The following FHIT variants were observed in gnomAD, a reference collection of about 807,000 sequenced individuals.
FHIT encodes bis(5'-adenosyl)-triphosphatase.
In FHIT, 19 loss-of-function variants were observed where a neutral mutation model predicts 17.9. The observed-to-expected ratio is 1.06, with a 90% CI of 0.74 to 1.56. FHIT has a LOEUF of 1.56. FHIT is among the 40% of genes most tolerant of loss of function. The pLI, the probability that FHIT is intolerant of heterozygous loss-of-function variation, is 0.00. For synonymous variants in FHIT, 81 were observed against 69.7 expected, an observed-to-expected ratio of 1.16 and a Z score of -0.81; for missense variants, 248 against 189.2, an observed-to-expected ratio of 1.31 and a Z score of -1.82.
intron 4 of FHIT, among the ~76,000 whole-genome samples, chr3:60,602,120 C>A (rs112069338): frequency 2.0e-5 from 3 of 152,268 alleles, no homozygotes; most frequent in African/African-American, 4.8e-5. Context: ...AAGAAAAATT[C>A]TCAGTTTTCA....
intron 3 of FHIT, among the ~76,000 whole-genome samples, chr3:61,033,215 C>G (rs2033091000): frequency 6.6e-6 from 1 of 152,212 alleles, no homozygotes; most frequent in South Asian, 2.1e-4. Context: ...AATTAACCAT[C>G]ACTTGTGTCC....
At chr3:60,471,957 T>G (rs942567283) in intron 5 of FHIT, among the ~76,000 whole-genome samples, 13 of 152,320 alleles carry the variant, frequency 8.5e-5, no homozygotes, top group East Asian at 5.8e-4. Context: ...TTTTAATAAC[T>G]TATTAACCTA....
intron 7 of FHIT, among the ~76,000 whole-genome samples, chr3:59,953,311 T>A (rs1318220728): frequency 6.6e-6 from 1 of 152,110 alleles, no homozygotes; most frequent in Non-Finnish European, 1.5e-5. Context: ...TCTCTCCTTA[T>A]GACTGTCTTC....
chr3:59,885,151 T>G (rs966526873), intron 8 of FHIT, among the ~76,000 whole-genome samples: 4 of 152,356 alleles, frequency 2.6e-5, no homozygotes, highest in Middle Eastern at 3.4e-3. Context: ...CTCATCAGTT[T>G]GCTATTAGGA....
intron 5 of FHIT, among the ~76,000 whole-genome samples, chr3:60,052,332 C>A (rs1007470925): frequency 1.3e-5 from 2 of 152,148 alleles, no homozygotes; most frequent in Non-Finnish European, 2.9e-5. Flanking sequence ...TAGACTCAAA[C>A]TCTAGAATCC....
intron 3 of FHIT, among the ~76,000 whole-genome samples, chr3:60,965,712 C>G (rs1418962336): frequency 2.6e-5 from 4 of 152,138 alleles, no homozygotes; most frequent in South Asian, 2.1e-4. Flanking sequence ...CACTCCAGAC[C>G]CTGTTTGCCT....
rs935620246 is a variant in FHIT at position 60,996,561 on chromosome 3, T to C, written c.-111+45486A>G. On this transcript the variant is annotated intron_variant, in intron 3 of 9. Transcript: ENST00000492590. ...AAAATAATGTAACAAGCTTTGGTCA[T>C]GAAAAATCGTAATGTCCATAATACA... is the stretch of plus-strand genomic sequence containing the variant. Among the ~76,000 whole-genome samples, 3 of 152,214 alleles carry C rather than the reference T, an allele frequency of 2.0e-5. No individual in the cohort carries two copies. In the South Asian group the frequency reaches 6.2e-4, roughly 32 times the overall value.
At chr3:60,660,394 C>T (rs879963899) in intron 4 of FHIT, among the ~76,000 whole-genome samples, 4 of 152,082 alleles carry the variant, frequency 2.6e-5, no homozygotes, top group East Asian at 1.9e-4. Context: ...TGCAAGGATG[C>T]CTGCGAGTGG....
chr3:60,610,660 C>T (rs1457963723), intron 4 of FHIT, among the ~76,000 whole-genome samples: 1 of 152,148 alleles, frequency 6.6e-6, no homozygotes, highest in African/African-American at 2.4e-5. Context: ...TGAAAGGACT[C>T]AGACAACTAC....
chr3:60,978,817 A>C (rs1710370250), intron 3 of FHIT, among the ~76,000 whole-genome samples: 1 of 152,200 alleles, frequency 6.6e-6, no homozygotes, highest in Non-Finnish European at 1.5e-5. Context: ...AGGGTGCAAC[A>C]ATGTTTAAAT....
At chr3:60,421,000 C>T (rs192283500) in intron 5 of FHIT, among the ~76,000 whole-genome samples, 1 of 151,576 alleles carries the variant, frequency 6.6e-6, no homozygotes, top group African/African-American at 2.4e-5. Flanking sequence ...TCACAATTAC[C>T]TCTGTAAAGA....
chr3:60,225,300 TC>T (rs1704145455), intron 5 of FHIT, among the ~76,000 whole-genome samples: 1 of 152,190 alleles, frequency 6.6e-6, no homozygotes, highest in African/African-American at 2.4e-5. Flanking sequence ...AACTCAATAT[TC>T]TTTTGATATC....
chr3:61,163,628 A>C (rs1004078297), intron 2 of FHIT, among the ~76,000 whole-genome samples: 17 of 152,166 alleles, frequency 1.1e-4, no homozygotes, highest in African/African-American at 4.1e-4. Context: ...CTATGCCTGG[A>C]GGAAAGGAAT....
intron 5 of FHIT, among the ~76,000 whole-genome samples, chr3:60,252,760 G>A (rs1284341402): frequency 6.6e-6 from 1 of 152,032 alleles, no homozygotes; most frequent in Non-Finnish European, 1.5e-5. Context: ...GGAGGCCGAG[G>A]CCGGTGGATC....
chr3:59,766,065 C>T (rs1701780374), intron 8 of FHIT, among the ~76,000 whole-genome samples: 1 of 152,136 alleles, frequency 6.6e-6, no homozygotes, highest in African/African-American at 2.4e-5. Context: ...ATTGAGGATG[C>T]TGGACTGACT....
At chr3:59,922,462 T>A (rs761261636) in intron 7 of FHIT, 48 bp from the exon 8 acceptor site, 2 of 1,494,424 alleles carry the variant, frequency 1.3e-6, no homozygotes, top group East Asian at 4.5e-5. Context: ...TCCCCATGTA[T>A]TTTTAGACTT....
chr3:60,198,736 G>A (rs1432855244), intron 5 of FHIT, among the ~76,000 whole-genome samples: 1 of 152,094 alleles, frequency 6.6e-6, no homozygotes, highest in African/African-American at 2.4e-5. Context: ...ACCTAGCCAA[G>A]TTTCAATTTC....
intron 5 of FHIT, among the ~76,000 whole-genome samples, chr3:60,415,073 C>A (rs1025832835): frequency 2.0e-5 from 3 of 152,064 alleles, no homozygotes; most frequent in African/African-American, 7.2e-5. Context: ...AATAGGCATC[C>A]TCAGGCATTC....
intron 5 of FHIT, among the ~76,000 whole-genome samples, chr3:60,166,746 A>C (rs1363503917): frequency 6.6e-6 from 1 of 152,112 alleles, no homozygotes; most frequent in Non-Finnish European, 1.5e-5. Context: ...TTCTAAAAGC[A>C]AAGCATATTT....
Sources: allele counts gnomAD v4.1 joint callset (sites outside exome capture counted in the v4.1 genomes callset), GRCh38; gene constraint gnomAD v4.1.1; transcripts MANE v1.5; gene names NCBI Gene and HGNC (gene_info 2026-07-23, HGNC 2026-07-21).